IPO5: variants seen among roughly 807,000 people sequenced by gnomAD.
The protein encoded by IPO5 is importin-5.
A neutral mutation model predicts 143.3 loss-of-function variants in IPO5; 18 were observed. That is an observed-to-expected ratio of 0.13 (90% CI 0.09 to 0.19). The LOEUF is 0.19. Among genes scored for constraint, IPO5 ranks in the 10% least tolerant of loss-of-function variants. The pLI, the probability that IPO5 is intolerant of heterozygous loss-of-function variation, is 1.00. For missense variants in IPO5, 1,013 were observed against 1,336.9 expected (o/e 0.76, Z 3.78); for synonymous variants, 477 against 465.7 (o/e 1.02, Z -0.31).
intron 22 of IPO5, among the ~76,000 whole-genome samples, chr13:98,014,820 A>G (rs1291140910): frequency 6.8e-6 from 1 of 147,782 alleles, no homozygotes; most frequent in Non-Finnish European, 1.5e-5. Context: ...TGTTCTTTAC[A>G]CTTTCCTCAA....
intron 8 of IPO5, 73 bp from the exon 9 acceptor site, chr13:97,990,360 C>T: frequency 2.4e-6 from 3 of 1,258,582 alleles, no homozygotes; most frequent in East Asian, 2.3e-5. Flanking sequence ...ATAATTTGAT[C>T]TTGAGTAAGA....
Position 97,992,994 on chromosome 13 carries a change from A to G in IPO5, c.772A>G (p.Thr258Ala), listed in dbSNP as rs777697696. ...GTATTTGCGTCCTCACTTGGAAGCA[A>G]CTCTACAGCTAAGTCTAAAGGTAAA... is the stretch of plus-strand genomic sequence containing the variant. ...PKYLRPHLEA[T>A]LQLSLKLCGD... is the part of the protein sequence containing the mutation. The change falls in exon 10 of 29, where the codon ACT becomes GCT. Residue 258 changes from threonine to alanine, a missense_variant. Physicochemically the swap from Thr to Ala is moderately conservative, Grantham distance 58. Transcript: ENST00000651721. 1.8e-5 allele frequency: 29 copies of G among 1,613,592 alleles called. No homozygotes were observed. The highest frequency in any genetic ancestry group is 2.4e-5 in the Non-Finnish European group (28 of 1,179,714).
rs368596804 is a variant in IPO5 at position 98,010,049 on chromosome 13, G to A, written c.1933+36G>A. On this transcript the variant is annotated intron_variant, in intron 19 of 28. Coordinates refer to ENST00000651721, the MANE Select transcript of IPO5 (RefSeq NM_002271.6). The stretch of plus-strand genomic sequence containing the variant: ...TTAGAAGGAGCTATCGGTTATAATA[G>A]TTCTCTCTTTGTTATTATTTTTCAT... 1.3e-5 allele frequency: 21 copies of A among 1,613,476 alleles called. No individual in the cohort carries two copies. The African/African-American group carries it at 2.7e-4, about 21-fold the overall frequency.
Position 97,985,405 on chromosome 13 carries a change from T to C in IPO5, c.172-16T>C, listed in dbSNP as rs1163028773. 2.6e-5 allele frequency: 41 copies of C among 1,588,898 alleles called. No homozygotes were observed. The highest frequency in any genetic ancestry group is 3.2e-5 in the Non-Finnish European group (37 of 1,157,548). On this transcript the variant is annotated splice_polypyrimidine_tract_variant and intron_variant, in intron 5 of 28. Coordinates refer to ENST00000651721, the MANE Select transcript of IPO5 (RefSeq NM_002271.6). Reference sequence around the variant, plus strand: ...GCAGAGTGAATCTAGTTATTAACAATGTTATCTGTTTATAGGCTAGACAAA... The same window carrying C: ...GCAGAGTGAATCTAGTTATTAACAACGTTATCTGTTTATAGGCTAGACAAA...
Position 98,019,820 on chromosome 13 carries a change from A to C in IPO5, c.3065+11A>C. The C allele has an allele frequency of 6.4e-7, 1 of 1,559,050 alleles. No homozygotes were observed. The highest frequency in any genetic ancestry group is 8.8e-7 in the Non-Finnish European group (1 of 1,130,364). ...TGACCTGATTGAAAGGTAGGAAAGCAGACTGTGACCTTATTTCCTTCTCCT... is the reference window on the plus strand; with the variant it reads ...TGACCTGATTGAAAGGTAGGAAAGCCGACTGTGACCTTATTTCCTTCTCCT... On this transcript the variant is annotated intron_variant, in intron 27 of 28. Transcript: ENST00000651721.
At chr13:98,007,179 T>G (rs932122031) in intron 17 of IPO5, among the ~76,000 whole-genome samples, 11 of 152,168 alleles carry the variant, frequency 7.2e-5, no homozygotes, top group Non-Finnish European at 1.5e-4. Context: ...GGTTTCTTTT[T>G]AGCTCAGCTG....
At position 97,990,440 on chromosome 13, in the gene IPO5, C is replaced by T. The variant is rs766035801; in HGVS notation, c.572C>T (p.Thr191Met). The change falls in exon 9 of 29, where the codon ACG becomes ATG. Residue 191 changes from threonine (T) to methionine (M), a missense_variant. This residue lies in a region of IPO5 where 328 missense variants were observed against 342.0 expected (regional missense o/e 0.96). Coordinates refer to ENST00000651721, the MANE Select transcript of IPO5 (RefSeq NM_002271.6). ...TTTTCCTCTTGATTTTAGATCAGGA[C>T]GTTATCTGCTAGAGCTACAGCTGCA... is the stretch of plus-strand genomic sequence containing the variant. Reference protein sequence around the residue: ...MQDQEHPSIRTLSARATAAFI... With the variant: ...MQDQEHPSIRMLSARATAAFI... The T allele has an allele frequency of 9.4e-6, 15 of 1,595,138 alleles. No homozygotes were observed. The highest frequency in any genetic ancestry group is 6.7e-5 in the East Asian group (3 of 44,742).
intron 17 of IPO5, among the ~76,000 whole-genome samples, chr13:98,006,975 C>T (rs1445728871): frequency 1.3e-5 from 2 of 150,428 alleles, no homozygotes; most frequent in African/African-American, 2.4e-5. Flanking sequence ...AAGCGATTCT[C>T]CTGCGTCAGC....
Position 98,010,174 on chromosome 13 carries a change from G to C in IPO5, c.2005G>C (p.Gly669Arg). Residue 669 changes from glycine (G) to arginine (R), a missense_variant, in exon 20 of 29, where the codon GGT becomes CGT. By Grantham distance (125) the Gly-to-Arg change is moderately radical. This residue lies in a region of IPO5 where 685 missense variants were observed against 994.9 expected (regional missense o/e 0.69). Coordinates refer to ENST00000651721, the MANE Select transcript of IPO5 (RefSeq NM_002271.6). ...GAACCTTGGAGATCAGCAAAGCTTT[G>C]GTATTAAAACTGCAGGACTAGAAGA... is the stretch of plus-strand genomic sequence containing the variant. ...FVNLGDQQSF[G>R]IKTAGLEEKS... The C allele has an allele frequency of 6.2e-7, 1 of 1,614,052 alleles. No homozygotes were observed. Among genetic ancestry groups the C allele is most frequent in the Non-Finnish European group, 8.5e-7 (1 of 1,179,950 alleles).
At chr13:97,966,496 C>T (rs928278297) in intron 2 of IPO5, among the ~76,000 whole-genome samples, 2 of 151,682 alleles carry the variant, frequency 1.3e-5, no homozygotes, top group Admixed American at 6.6e-5. Flanking sequence ...GTAGATAATC[C>T]TCTCTATATG....
chr13:97,989,225 T>A (rs1887620431), intron 7 of IPO5, 61 bp downstream of exon 7: 7 of 844,038 alleles, frequency 8.3e-6, no homozygotes, highest in Non-Finnish European at 1.4e-5. Flanking sequence ...AAACACCTTT[T>A]AACTGATTAT....
At chr13:98,018,946 A>G (rs1323991827) in intron 26 of IPO5, among the ~76,000 whole-genome samples, 1 of 151,600 alleles carries the variant, frequency 6.6e-6, no homozygotes, top group East Asian at 1.9e-4. Flanking sequence ...GCGTTTTGGC[A>G]ATATACAACA....
intron 16 of IPO5, among the ~76,000 whole-genome samples, chr13:98,003,721 C>T (rs1324296934): frequency 1.3e-5 from 2 of 152,022 alleles, no homozygotes; most frequent in South Asian, 2.1e-4. Context: ...TGGTGGTGCA[C>T]GCCTGTAATT....
rs539180278 is a variant in IPO5 at position 98,001,204 on chromosome 13, A to C, written c.1108+559A>C. 4.6e-5 allele frequency among the ~76,000 whole-genome samples: 7 copies of C among 152,268 alleles called. No homozygotes were observed. The South Asian group carries it at 1.2e-3, about 27-fold the overall frequency. ...TCCTTTTTATTTCTATGAATATTTC[A>C]GTTACCTTTGTACCTGTAATATATA... is the stretch of plus-strand genomic sequence containing the variant. On this transcript the variant is annotated intron_variant, in intron 13 of 28. Transcript: ENST00000651721.
intron 2 of IPO5, among the ~76,000 whole-genome samples, chr13:97,964,068 A>G (rs1370033927): frequency 6.6e-6 from 1 of 152,048 alleles, no homozygotes; most frequent in Non-Finnish European, 1.5e-5. Flanking sequence ...AATTTGTTTA[A>G]GTTATTTGTA....
chr13:98,009,840 A>G (rs768677384), intron 18 of IPO5, 41 bp from the exon 19 acceptor site: 48 of 1,467,520 alleles, frequency 3.3e-5, no homozygotes, highest in Non-Finnish European at 4.4e-5. Flanking sequence ...ACGTTTACCC[A>G]TTGTTTTTTA....
chr13:98,021,283 A>T (rs1890469008), intron 28 of IPO5, 150 bp downstream of exon 28: 1 of 612,234 alleles, frequency 1.6e-6, no homozygotes, highest in Admixed American at 3.8e-5. Context: ...AATGGATTAT[A>T]CTTAATGTAA....
chr13:98,014,970 T>C lies in IPO5; in HGVS notation c.2326-560T>C, dbSNP rs189248376. Among the ~76,000 whole-genome samples the C allele has an allele frequency of 1.1e-4, 16 of 152,238 alleles. No individual in the cohort carries two copies. In the East Asian group the frequency reaches 2.9e-3, roughly 28 times the overall value. ...CCTCAAGCACTGCCTTCCTCTTCATTGAGTCACTTCCTTTCTCATACAGTG... is the reference window on the plus strand; with the variant it reads ...CCTCAAGCACTGCCTTCCTCTTCATCGAGTCACTTCCTTTCTCATACAGTG... On this transcript the variant is annotated intron_variant, in intron 22 of 28. Transcript: ENST00000651721.
At position 98,022,677 on chromosome 13, in the gene IPO5, T is replaced by C. The variant is rs1358693072; in HGVS notation, c.*855T>C. On this transcript the variant is annotated 3_prime_UTR_variant, in exon 29 of 29. Transcript: ENST00000651721. ...TCTTCCACTTTAAGCTAAGTTATGA[T>C]ACCTATTCCATTCACAATTGGTGTT... 1 of 152,248 alleles carries C rather than the reference T, an allele frequency of 6.6e-6. No homozygotes were observed. The highest frequency in any genetic ancestry group is 1.9e-4 in the East Asian group (1 of 5,202). The allele number at this position is 152,248 out of a possible 1,614,324, so 9.4% of individuals were successfully genotyped here. A position where few individuals can be genotyped will look rare whatever the true frequency, so the allele number is the denominator to read the frequency against.
Sources: gnomAD v4.1 joint callset for allele counts (sites outside exome capture counted in the v4.1 genomes callset) on GRCh38, gnomAD v4.1.1 for gene constraint, gnomAD v4.1.1 regional missense constraint, MANE v1.5 for transcripts, NCBI Gene and HGNC (gene_info 2026-07-23, HGNC 2026-07-21) for gene names.